Variants in IRAG1 observed in about 807,000 individuals in gnomAD.
IRAG1 encodes the protein IP3R-associated cGMP kinase substrate.
In IRAG1, 62 loss-of-function variants were observed where a neutral mutation model predicts 106.2. The observed-to-expected ratio is 0.58, with a 90% CI of 0.48 to 0.72. The LOEUF (loss-of-function observed/expected upper bound fraction) is 0.72, where lower values mean the gene tolerates loss of function less well. IRAG1 is among the 30% of genes least tolerant of loss of function. The pLI is 0.00. For missense variants in IRAG1, 1,064 were observed against 1,140.7 expected (o/e 0.93, Z 0.97); for synonymous variants, 462 against 443.9 (o/e 1.04, Z -0.51).
chr11:10,661,534 G>A (rs1223717786), intron 1 of IRAG1, among the ~76,000 whole-genome samples: 3 of 152,184 alleles, frequency 2.0e-5, no homozygotes, highest in Non-Finnish European at 4.4e-5. Flanking sequence ...TTCTTCAGGA[G>A]GCTCTAGGGG....
At chr11:10,651,360 T>G (rs756548563) in intron 2 of IRAG1, among the ~76,000 whole-genome samples, 1 of 152,224 alleles carries the variant, frequency 6.6e-6, no homozygotes, top group Admixed American at 6.5e-5. Context: ...TAAAGTAAAA[T>G]GTGAAGAGCG....
chr11:10,692,582 T>C (rs1030343005), intron 1 of IRAG1, among the ~76,000 whole-genome samples: 3 of 152,076 alleles, frequency 2.0e-5, no homozygotes, highest in African/African-American at 7.2e-5. Context: ...AGCCTCACAG[T>C]CCCAGGAAGC....
chr11:10,630,103 A>G (rs1472941448), intron 4 of IRAG1: 1 of 162,494 alleles, frequency 6.2e-6, no homozygotes, highest in African/African-American at 2.4e-5. Flanking sequence ...AAGGAGACCA[A>G]AGATCATTGG....
chr11:10,622,563 G>A (rs1037780712), intron 10 of IRAG1, among the ~76,000 whole-genome samples: 2 of 152,110 alleles, frequency 1.3e-5, no homozygotes, highest in Non-Finnish European at 2.9e-5. Context: ...AGAGTACAGT[G>A]GCACGATCAC....
chr11:10,633,222 C>G (rs183348173), intron 3 of IRAG1, among the ~76,000 whole-genome samples: 18 of 151,896 alleles, frequency 1.2e-4, no homozygotes, highest in Admixed American at 9.8e-4. Context: ...CTACAGGCGC[C>G]CGCCACCACA....
In IRAG1 at chr11:10,593,599, T is replaced by A. The variant is rs1330179351; in HGVS notation, c.2068A>T (p.Asn690Tyr). The change falls in exon 17 of 21, where the codon AAT becomes TAT. Residue 690 changes from asparagine to tyrosine, a missense_variant and splice_region_variant. Coordinates refer to ENST00000423302, the MANE Select transcript of IRAG1 (RefSeq NM_130385.4). ...ACGCTGACCCTCCGGCGAGGCATAT[T>A]CTGCAGGAAGAGAAGTGACCAGGCT... ...ARSMSLTLGK[N>Y]MPRRRVSVAV... The A allele has an allele frequency of 6.2e-7, 1 of 1,612,578 alleles. No individual in the cohort carries two copies. The highest frequency in any genetic ancestry group is 1.1e-5 in the South Asian group (1 of 91,038).
At chr11:10,634,209 C>T (rs1250615060) in intron 2 of IRAG1, 138 bp from the exon 3 acceptor site, 3 of 494,100 alleles carry the variant, frequency 6.1e-6, no homozygotes, top group South Asian at 7.5e-5. Flanking sequence ...ACTCTTTATT[C>T]CCCCAGCTTT....
intron 2 of IRAG1, among the ~76,000 whole-genome samples, chr11:10,642,582 C>G (rs953425520): frequency 4.6e-5 from 7 of 152,156 alleles, no homozygotes; most frequent in Non-Finnish European, 8.8e-5. Context: ...GTCGGGTAGG[C>G]CTAGACCAGA....
intron 10 of IRAG1, among the ~76,000 whole-genome samples, chr11:10,613,522 AG>A: frequency 6.6e-6 from 1 of 152,364 alleles, no homozygotes; most frequent in East Asian, 1.9e-4. Flanking sequence ...AACAAAATCC[AG>A]CTAAACAAGA....
In IRAG1 at chr11:10,631,988, T is replaced by C. The variant is rs758378116; in HGVS notation, c.400+3A>G. On this transcript the variant is annotated splice_donor_region_variant and intron_variant, in intron 4 of 20. Coordinates refer to ENST00000423302, the MANE Select transcript of IRAG1 (RefSeq NM_130385.4). ...ACATGCCTTAGATTGCCCTGGTCCT[T>C]ACCCACAGATGTCAGGGAGGCAGTG... 2.1e-5 allele frequency: 34 copies of C among 1,613,276 alleles called. No homozygotes were observed. The highest frequency in any genetic ancestry group is 2.0e-5 in the Non-Finnish European group (24 of 1,179,638).
intron 11 of IRAG1, among the ~76,000 whole-genome samples, chr11:10,607,466 C>T (rs1297937439): frequency 1.3e-5 from 2 of 152,242 alleles, no homozygotes; most frequent in African/African-American, 4.8e-5. Flanking sequence ...TTCCCACAGC[C>T]AGGGCTCTCC....
intron 10 of IRAG1, among the ~76,000 whole-genome samples, chr11:10,611,095 T>C (rs886342754): frequency 1.3e-5 from 2 of 152,172 alleles, no homozygotes; most frequent in Non-Finnish European, 2.9e-5. Flanking sequence ...CTAGTTTGGC[T>C]CAAGGTAAAA....
chr11:10,668,753 T>A (rs138286503), intron 1 of IRAG1, among the ~76,000 whole-genome samples: 32 of 152,264 alleles, frequency 2.1e-4, no homozygotes, highest in African/African-American at 7.5e-4. Context: ...AAACTAAGTC[T>A]TTCTCATCTT....
chr11:10,641,423 C>T (rs1237371256), intron 2 of IRAG1, among the ~76,000 whole-genome samples: 1 of 152,228 alleles, frequency 6.6e-6, no homozygotes, highest in Non-Finnish European at 1.5e-5. Flanking sequence ...TCTCCTGGGG[C>T]ATCTGACCAC....
chr11:10,666,424 C>G (rs550286070), intron 1 of IRAG1, among the ~76,000 whole-genome samples: 1 of 152,334 alleles, frequency 6.6e-6, no homozygotes, highest in Admixed American at 6.5e-5. Flanking sequence ...GCTCAGTATA[C>G]CATAATGAAG....
Position 10,628,129 on chromosome 11 carries a change from A to G in IRAG1, c.653-104T>C. The G allele has an allele frequency of 7.9e-7, 1 of 1,264,338 alleles. No homozygotes were observed. Among genetic ancestry groups the G allele is most frequent in the Non-Finnish European group, 1.1e-6 (1 of 882,850 alleles). The allele number at this position is 1,264,338 out of a possible 1,614,324, so 78.3% of individuals were successfully genotyped here. ...CGGGCTATCCTCCCTTTGCAATCTCAGGCCTGGAAGATTTGCTGACTACCT... is the reference window on the plus strand; with the variant it reads ...CGGGCTATCCTCCCTTTGCAATCTCGGGCCTGGAAGATTTGCTGACTACCT... On this transcript the variant is annotated intron_variant, in intron 6 of 20. Coordinates refer to ENST00000423302, the MANE Select transcript of IRAG1 (RefSeq NM_130385.4). The surrounding 1 kb of genome is among the most constrained non-coding windows in gnomAD (Gnocchi z 4.1).
At chr11:10,610,422 G>C (rs1408278883) in intron 10 of IRAG1, among the ~76,000 whole-genome samples, 1 of 152,216 alleles carries the variant, frequency 6.6e-6, no homozygotes, top group Non-Finnish European at 1.5e-5. Context: ...ACAATGAACA[G>C]CTTTTTGTTT....
At chr11:10,687,081 T>C (rs1341481399) in intron 1 of IRAG1, among the ~76,000 whole-genome samples, 6 of 152,192 alleles carry the variant, frequency 3.9e-5, no homozygotes, top group Non-Finnish European at 8.8e-5. Flanking sequence ...CAGGCATCTC[T>C]GGAGAAAAGA....
At chr11:10,669,861 T>G (rs2135097247) in intron 1 of IRAG1, among the ~76,000 whole-genome samples, 1 of 152,306 alleles carries the variant, frequency 6.6e-6, no homozygotes, top group Non-Finnish European at 1.5e-5. Flanking sequence ...TCCCAGCAGG[T>G]GATTTATAAC....
Sources: gnomAD v4.1 joint callset for allele counts (sites outside exome capture counted in the v4.1 genomes callset) on GRCh38, gnomAD v4.1.1 for gene constraint, Gnocchi (gnomAD v3.1) non-coding constraint, MANE v1.5 for transcripts, NCBI Gene and HGNC (gene_info 2026-07-23, HGNC 2026-07-21) for gene names.